Variants in PSD3 observed in about 807,000 individuals in gnomAD.
PSD3 encodes the protein pleckstrin and Sec7 domain containing 3, also known as PH and SEC7 domain-containing protein 3.
In PSD3, 49 loss-of-function variants were observed where a neutral mutation model predicts 105.5. The ratio of observed to expected loss-of-function variants is 0.46; its 90% CI spans 0.37 to 0.59. PSD3 has a LOEUF of 0.59. Ranked by LOEUF, PSD3 falls within the 20% of genes least tolerant of loss-of-function variation. PSD3 has a pLI of 0.00. For missense variants in PSD3, 1,561 were observed against 1,263.8 expected (o/e 1.24, Z -3.57); for synonymous variants, 557 against 457.8 (o/e 1.22, Z -2.77).
At position 18,623,328 on chromosome 8, in the gene PSD3, T is replaced by C. The variant is rs144754210; in HGVS notation, c.2410+9285A>G. On this transcript the variant is annotated intron_variant, in intron 11 of 15. Transcript: ENST00000327040. ...TATTGAGTTTTAAAAATTTTATTTATAGGCCAGGAGCAGTGGCTTATGCCT... is the reference window on the plus strand; with the variant it reads ...TATTGAGTTTTAAAAATTTTATTTACAGGCCAGGAGCAGTGGCTTATGCCT... 1.5e-4 allele frequency among the ~76,000 whole-genome samples: 22 copies of C among 151,568 alleles called. 1 individual carries two copies. In the East Asian group the frequency reaches 2.9e-3, roughly 20 times the overall value.
chr8:18,737,431 C>T (rs929982777), intron 9 of PSD3, among the ~76,000 whole-genome samples: 4 of 152,018 alleles, frequency 2.6e-5, no homozygotes, highest in African/African-American at 9.7e-5. Flanking sequence ...CTCAAGCGAT[C>T]CTCCCACCTC....
At chr8:19,074,815 T>C (rs964614433) in intron 1 of PSD3, among the ~76,000 whole-genome samples, 2 of 150,818 alleles carry the variant, frequency 1.3e-5, no homozygotes, top group Admixed American at 6.6e-5. Context: ...GGAGACGGGG[T>C]TTCACCGTGT....
At chr8:18,814,265 A>AC (rs1325434985) in intron 4 of PSD3, among the ~76,000 whole-genome samples, 3 of 152,186 alleles carry the variant, frequency 2.0e-5, no homozygotes, top group Non-Finnish European at 4.4e-5. Context: ...CCCGCCGCAT[A>AC]CCTTCCAAAT....
At chr8:18,686,037 A>C (rs1425457913) in intron 9 of PSD3, among the ~76,000 whole-genome samples, 1 of 152,020 alleles carries the variant, frequency 6.6e-6, no homozygotes, top group Non-Finnish European at 1.5e-5. Context: ...ACAAACAAAC[A>C]AACAACAACA....
chr8:18,579,893 A>G (rs1461860918), intron 12 of PSD3, among the ~76,000 whole-genome samples: 1 of 152,202 alleles, frequency 6.6e-6, no homozygotes, highest in Non-Finnish European at 1.5e-5. Flanking sequence ...TTTTAAACAC[A>G]GTTGAAATGG....
intron 1 of PSD3, among the ~76,000 whole-genome samples, chr8:19,019,559 A>G (rs1399532081): frequency 6.6e-6 from 1 of 152,192 alleles, no homozygotes; most frequent in African/African-American, 2.4e-5. Flanking sequence ...ATATTAGAAT[A>G]CAGAACATAA....
Position 18,801,308 on chromosome 8 carries a change from C to A in PSD3, c.1985G>T (p.Arg662Ile). 1 of 1,605,086 alleles carries A rather than the reference C, an allele frequency of 6.2e-7. No individual in the cohort carries two copies. Among genetic ancestry groups the A allele is most frequent in the Non-Finnish European group, 8.5e-7 (1 of 1,173,610 alleles). Reference sequence around the variant, plus strand: ...GGTATCTGGGTTACAATAAAAATATCTATTGGAGAAGTGTATTAAAACTCT... The same window carrying A: ...GGTATCTGGGTTACAATAAAAATATATATTGGAGAAGTGTATTAAAACTCT... ...RERVLIHFSNRYFYCNPDTIA... is the reference protein window; with the variant it reads ...RERVLIHFSNIYFYCNPDTIA... Residue 662 changes from arginine (R) to isoleucine (I), a missense_variant, in exon 7 of 16, where the codon AGA becomes ATA. Arg to Ile is a moderately conservative substitution (Grantham distance 97). Transcript: ENST00000327040.
intron 1 of PSD3, among the ~76,000 whole-genome samples, chr8:19,057,690 A>G (rs1041144938): frequency 2.0e-5 from 3 of 152,180 alleles, no homozygotes; most frequent in East Asian, 1.9e-4. Context: ...CAAGACCCCA[A>G]ATAGGTTATA....
In PSD3 at chr8:18,600,440, A is replaced by G; in HGVS notation, c.2411-6T>C. 1 of 1,591,256 alleles carries G rather than the reference A, an allele frequency of 6.3e-7. No homozygotes were observed. Among genetic ancestry groups the G allele is most frequent in the Non-Finnish European group, 8.5e-7 (1 of 1,169,774 alleles). On this transcript the variant is annotated splice_region_variant and splice_polypyrimidine_tract_variant and intron_variant, in intron 11 of 15. Coordinates refer to ENST00000327040, the MANE Select transcript of PSD3 (RefSeq NM_015310.4). ...TCCTCGTTTTCCTCTTGGAGCTAGA[A>G]AGGGGGAAAAAATGTAAAATTTTAT...
intron 9 of PSD3, among the ~76,000 whole-genome samples, chr8:18,720,511 G>A (rs1044648653): frequency 4.6e-5 from 7 of 152,134 alleles, no homozygotes; most frequent in Admixed American, 6.5e-5. Flanking sequence ...AATTATATGT[G>A]TTTACAGCAA....
At chr8:18,740,020 T>A (rs1804436277) in intron 9 of PSD3, among the ~76,000 whole-genome samples, 1 of 152,216 alleles carries the variant, frequency 6.6e-6, no homozygotes, top group Non-Finnish European at 1.5e-5. Flanking sequence ...AACTTTCTTG[T>A]GCATGGACAA....
At chr8:19,031,484 A>G (rs2129476233) in intron 1 of PSD3, among the ~76,000 whole-genome samples, 1 of 152,320 alleles carries the variant, frequency 6.6e-6, no homozygotes, top group South Asian at 2.1e-4. Flanking sequence ...ACTATACGGT[A>G]AATGCAAAGT....
At chr8:18,600,271 C>A in intron 12 of PSD3, 93 bp downstream of exon 12, 2 of 1,152,948 alleles carry the variant, frequency 1.7e-6, no homozygotes, top group East Asian at 2.5e-5. Context: ...AAAGTGAAAC[C>A]ACAGATAAGG....
At chr8:18,926,157 G>C (rs776276429) in intron 2 of PSD3, among the ~76,000 whole-genome samples, 1 of 151,382 alleles carries the variant, frequency 6.6e-6, no homozygotes, top group Non-Finnish European at 1.5e-5. Flanking sequence ...ATCAGTGTTA[G>C]AAAATGATCG....
intron 14 of PSD3, among the ~76,000 whole-genome samples, chr8:18,567,253 A>G (rs1173646011): frequency 2.5e-5 from 2 of 81,154 alleles, no homozygotes; most frequent in African/African-American, 9.2e-5. Flanking sequence ...ATAGAGCAAA[A>G]CTCAATTTTG....
At chr8:18,847,241 C>T (rs1815168383) in intron 4 of PSD3, among the ~76,000 whole-genome samples, 1 of 152,178 alleles carries the variant, frequency 6.6e-6, no homozygotes, top group Non-Finnish European at 1.5e-5. Context: ...TCCTACTGTC[C>T]TGGTGCTTCC....
chr8:18,581,643 C>A (rs757271330), intron 12 of PSD3, among the ~76,000 whole-genome samples: 1 of 152,198 alleles, frequency 6.6e-6, no homozygotes, highest in Non-Finnish European at 1.5e-5. Context: ...TTTTCTCCAA[C>A]CTTCACCTAT....
intron 9 of PSD3, among the ~76,000 whole-genome samples, chr8:18,711,810 G>A (rs1045790773): frequency 4.6e-5 from 7 of 152,136 alleles, no homozygotes; most frequent in African/African-American, 7.2e-5. Flanking sequence ...CTTCCACCCC[G>A]AAACAACAGA....
At chr8:18,627,880 G>A (rs1316811480) in intron 11 of PSD3, among the ~76,000 whole-genome samples, 1 of 151,640 alleles carries the variant, frequency 6.6e-6, no homozygotes, top group African/African-American at 2.4e-5. Flanking sequence ...CGACAGAAAG[G>A]AAGGTTATCA....
Sources: allele counts gnomAD v4.1 joint callset (sites outside exome capture counted in the v4.1 genomes callset), GRCh38; gene constraint gnomAD v4.1.1; transcripts MANE v1.5; gene names NCBI Gene and HGNC (gene_info 2026-07-23, HGNC 2026-07-21).